Variants in GPATCH1 observed in about 807,000 individuals in gnomAD.
GPATCH1 encodes G-patch domain containing 1, also known as G patch domain-containing protein 1.
A neutral mutation model predicts 114.9 loss-of-function variants in GPATCH1; 73 were observed. The observed-to-expected ratio is 0.64, with a 90% CI of 0.53 to 0.77. GPATCH1 has a LOEUF of 0.77. Among genes scored for constraint, GPATCH1 ranks in the 30% least tolerant of loss-of-function variants. The probability of loss-of-function intolerance (pLI) is 0.00; values close to 1 mark genes in which losing one functional copy is unlikely to be tolerated. For missense variants in GPATCH1, 1,058 were observed against 1,144.3 expected (o/e 0.92, Z 1.09); for synonymous variants, 391 against 428.4 (o/e 0.91, Z 1.08).
intron 6 of GPATCH1, 88 bp from the exon 7 acceptor site, chr19:33,096,119 A>T (rs1190113323): frequency 2.2e-6 from 3 of 1,337,782 alleles, no homozygotes; most frequent in Non-Finnish European, 3.1e-6. Flanking sequence ...TCTGTGTGGC[A>T]TTAATCACTG....
At position 33,118,005 on chromosome 19, in the gene GPATCH1, G is replaced by T; in HGVS notation, c.2377G>T (p.Asp793Tyr). 1 of 1,613,660 alleles carries T rather than the reference G, an allele frequency of 6.2e-7. No individual in the cohort carries two copies. Among genetic ancestry groups the T allele is most frequent in the South Asian group, 1.1e-5 (1 of 91,034 alleles). ...SGEANFQSSQ[D>Y]TDLGETSSVA... ...GGAGGCCAACTTCCAAAGCTCCCAA[G>T]ACACTGACTTGGGGGAAACATCATC... The change falls in exon 16 of 20, where the codon GAC becomes TAC. Residue 793 changes from aspartate (D) to tyrosine (Y), a missense_variant. Coordinates refer to ENST00000170564, the MANE Select transcript of GPATCH1 (RefSeq NM_018025.3).
At chr19:33,108,170 C>T (rs1972808175) in intron 10 of GPATCH1, among the ~76,000 whole-genome samples, 1 of 152,156 alleles carries the variant, frequency 6.6e-6, no homozygotes, top group Non-Finnish European at 1.5e-5. Context: ...CACCCCTCCA[C>T]CTGGACCGTT....
chr19:33,118,938 A>C, intron 16 of GPATCH1, 72 bp from the exon 17 acceptor site: 1 of 882,260 alleles, frequency 1.1e-6, no homozygotes, highest in Non-Finnish European at 1.8e-6. Context: ...TGGTGGCAAA[A>C]GACATGAATG....
chr19:33,095,257 G>GTTTTTTTT (rs940614947), intron 5 of GPATCH1, among the ~76,000 whole-genome samples: 8 of 109,278 alleles, frequency 7.3e-5, no homozygotes, highest in Non-Finnish European at 8.9e-5. Flanking sequence ...TATCAGTGAG[G>GTTTTTTTT]TTTTTTTTTT....
At chr19:33,087,114 A>G (rs943315465) in intron 1 of GPATCH1, among the ~76,000 whole-genome samples, 2 of 152,216 alleles carry the variant, frequency 1.3e-5, no homozygotes, top group East Asian at 1.9e-4. Context: ...ATTGAGGCAC[A>G]GAGAGTCAAG....
At chr19:33,113,744 A>G (rs1425973503) in intron 13 of GPATCH1, 23 bp from the exon 14 acceptor site, 52 of 1,610,504 alleles carry the variant, frequency 3.2e-5, no homozygotes, top group Non-Finnish European at 4.2e-5. Context: ...TGTTACTAAA[A>G]TGATTCTTTT....
chr19:33,109,616 C>T, intron 10 of GPATCH1, 101 bp from the exon 11 acceptor site: 1 of 674,042 alleles, frequency 1.5e-6, no homozygotes, highest in Non-Finnish European at 2.5e-6. Flanking sequence ...TCCTCATCCC[C>T]AATTATGTAA....
Position 33,106,767 on chromosome 19 carries a change from T to C in GPATCH1, c.1153T>C (p.Ser385Pro), listed in dbSNP as rs1368015766. ...TTTCAGACCCATGGTGGCCGCCACC[T>C]CCGAGAACTCACACTTACTGCAGGT... ...HYFRPMVAATSENSHLLQVLS... is the reference protein window; with the variant it reads ...HYFRPMVAATPENSHLLQVLS... Residue 385 changes from serine to proline, a missense_variant, in exon 10 of 20, where the codon TCC (serine) becomes CCC (proline). Ser to Pro is a moderately conservative substitution (Grantham distance 74, BLOSUM62 -1). This residue lies in a region of GPATCH1 where 893 missense variants were observed against 977.4 expected (regional missense o/e 0.91). Transcript: ENST00000170564. 1 of 1,613,606 alleles carries C rather than the reference T, an allele frequency of 6.2e-7. No homozygotes were observed. The highest frequency in any genetic ancestry group is 8.5e-7 in the Non-Finnish European group (1 of 1,179,874).
chr19:33,111,813 G>C lies in GPATCH1; in HGVS notation c.1675G>C (p.Ala559Pro). Residue 559 changes from alanine (A) to proline (P), a missense_variant, in exon 12 of 20, where the codon GCA becomes CCA. Ala to Pro is a conservative substitution (Grantham distance 27). Coordinates refer to ENST00000170564, the MANE Select transcript of GPATCH1 (RefSeq NM_018025.3). The stretch of plus-strand genomic sequence containing the variant: ...GTTTGCCCGGGCGGCCCTGCTGTAC[G>C]CATCTTCCCATTCGACCTTGTCCTC... ...DEFARAALLYASSHSTLSSRF... is the reference protein window; with the variant it reads ...DEFARAALLYPSSHSTLSSRF... 3 of 1,613,984 alleles carry C rather than the reference G, an allele frequency of 1.9e-6. No individual in the cohort carries two copies. Among genetic ancestry groups the C allele is most frequent in the Non-Finnish European group, 2.5e-6 (3 of 1,179,864 alleles).
chr19:33,090,218 T>C (rs76957199), intron 2 of GPATCH1, among the ~76,000 whole-genome samples: 10 of 152,222 alleles, frequency 6.6e-5, no homozygotes. Flanking sequence ...CCAGTGTCTG[T>C]TGAAACTGGG....
At chr19:33,117,287 T>TTA (rs1345302356) in intron 15 of GPATCH1, among the ~76,000 whole-genome samples, 15 of 152,156 alleles carry the variant, frequency 9.9e-5, no homozygotes, top group Non-Finnish European at 2.2e-4. Flanking sequence ...GTCTTTGGAT[T>TTA]TTAGCGGTTT....
In GPATCH1 at chr19:33,095,798, CT is replaced by C. The variant is rs768495794; in HGVS notation, c.591del (p.Gly198GlufsTer18). The C allele has an allele frequency of 6.8e-6, 11 of 1,611,310 alleles. No individual in the cohort carries two copies. The highest frequency in any genetic ancestry group is 1.1e-5 in the South Asian group (1 of 91,020). On this transcript the variant is annotated frameshift_variant, in exon 6 of 20. Transcript: ENST00000170564. LOFTEE classifies it high-confidence loss of function. ...GVKIYGCALP[P>X]GSSEGSEGED... is the part of the protein sequence containing the mutation. ...AAAATCTATGGCTGTGCATTACCCC[CT>C]GGAAGCTCGGAAGGATCTGAGGTAT...
At chr19:33,104,015 G>A (rs1972755074) in intron 9 of GPATCH1, among the ~76,000 whole-genome samples, 1 of 151,986 alleles carries the variant, frequency 6.6e-6, no homozygotes, top group South Asian at 2.1e-4. Flanking sequence ...CAATGATTTG[G>A]CAGACAGACA....
At chr19:33,098,520 T>C (rs1306866753) in intron 8 of GPATCH1, among the ~76,000 whole-genome samples, 2 of 150,966 alleles carry the variant, frequency 1.3e-5, no homozygotes, top group Non-Finnish European at 3.0e-5. Flanking sequence ...CAGTGTAGAG[T>C]CGGTATTAGC....
At chr19:33,095,272 T>C (rs1599853551) in intron 5 of GPATCH1, among the ~76,000 whole-genome samples, 1 of 149,366 alleles carries the variant, frequency 6.7e-6, no homozygotes, top group African/African-American at 2.5e-5. Flanking sequence ...TTTTTTTTTT[T>C]TTTTTTTTGA....
At chr19:33,082,930 C>T (rs1450110158) in intron 1 of GPATCH1, among the ~76,000 whole-genome samples, 2 of 152,062 alleles carry the variant, frequency 1.3e-5, no homozygotes, top group Non-Finnish European at 2.9e-5. Flanking sequence ...CAGTGCCCAA[C>T]ATTTTTTATT....
At chr19:33,128,874 T>A (rs1020229952) in intron 19 of GPATCH1, among the ~76,000 whole-genome samples, 2 of 152,150 alleles carry the variant, frequency 1.3e-5, no homozygotes, top group Non-Finnish European at 2.9e-5. Context: ...TTACTTTGAG[T>A]CTGTGGAGCA....
intron 15 of GPATCH1, among the ~76,000 whole-genome samples, chr19:33,116,330 C>T (rs1283504395): frequency 6.6e-6 from 1 of 152,218 alleles, no homozygotes; most frequent in Non-Finnish European, 1.5e-5. Flanking sequence ...TTCTGTTGCT[C>T]TTTCTTCATC....
intron 10 of GPATCH1, among the ~76,000 whole-genome samples, chr19:33,107,889 T>C (rs1328201842): frequency 6.6e-6 from 1 of 152,100 alleles, no homozygotes; most frequent in Admixed American, 6.5e-5. Flanking sequence ...CTAGGGTACA[T>C]GTGCACAACG....
Sources: gnomAD v4.1 joint callset for allele counts (sites outside exome capture counted in the v4.1 genomes callset) on GRCh38, gnomAD v4.1.1 for gene constraint, gnomAD v4.1.1 regional missense constraint, MANE v1.5 for transcripts, NCBI Gene and HGNC (gene_info 2026-07-23, HGNC 2026-07-21) for gene names.